Variants in TAFA1 observed in about 807,000 individuals in gnomAD.
TAFA1 encodes chemokine-like protein TAFA-1.
Under a neutral mutation model 18.5 loss-of-function variants are expected in TAFA1, and 4 were observed. The observed-to-expected ratio is 0.22, with a 90% CI of 0.11 to 0.49. The LOEUF (loss-of-function observed/expected upper bound fraction) is 0.49, where lower values mean the gene tolerates loss of function less well. Ranked by LOEUF, TAFA1 falls within the 20% of genes least tolerant of loss-of-function variation. TAFA1 has a pLI of 0.98. For synonymous variants in TAFA1, 56 were observed against 55.2 expected (o/e 1.01, Z -0.06); for missense variants, 147 against 169.0 (o/e 0.87, Z 0.72).
chr3:68,338,869 C>G (rs1016666628), intron 2 of TAFA1, among the ~76,000 whole-genome samples: 1 of 152,180 alleles, frequency 6.6e-6, no homozygotes, highest in Non-Finnish European at 1.5e-5. Context: ...GGAGCTTGAT[C>G]TAAGCAAGGC....
chr3:68,480,920 A>G (rs2072225234), intron 3 of TAFA1, among the ~76,000 whole-genome samples: 1 of 151,954 alleles, frequency 6.6e-6, no homozygotes, highest in Non-Finnish European at 1.5e-5. Context: ...GTCTAAGGAG[A>G]TAGGATGGTT....
intron 2 of TAFA1, among the ~76,000 whole-genome samples, chr3:68,354,930 T>C (rs981054649): frequency 2.0e-5 from 3 of 151,990 alleles, no homozygotes; most frequent in African/African-American, 7.2e-5. Context: ...CTCAATACTG[T>C]TGTATTGGGA....
At chr3:68,333,712 A>G (rs951359349) in intron 2 of TAFA1, among the ~76,000 whole-genome samples, 3 of 152,140 alleles carry the variant, frequency 2.0e-5, no homozygotes, top group Non-Finnish European at 4.4e-5. Context: ...TGAGTGAAAG[A>G]GAGATCTGCA....
intron 2 of TAFA1, among the ~76,000 whole-genome samples, chr3:68,404,618 G>T (rs1043304178): frequency 6.6e-6 from 1 of 152,026 alleles, no homozygotes; most frequent in African/African-American, 2.4e-5. Flanking sequence ...CCAACATAGT[G>T]AAATCCCGTC....
At chr3:68,240,046 A>G (rs980711737) in intron 2 of TAFA1, among the ~76,000 whole-genome samples, 2 of 152,184 alleles carry the variant, frequency 1.3e-5, no homozygotes, top group Admixed American at 6.5e-5. Flanking sequence ...AGGTAAAGTG[A>G]TTACCCAAGT....
At chr3:68,295,990 A>G (rs2068200587) in intron 2 of TAFA1, among the ~76,000 whole-genome samples, 1 of 151,902 alleles carries the variant, frequency 6.6e-6, no homozygotes, top group African/African-American at 2.4e-5. Flanking sequence ...AAACAAAATC[A>G]TGTTATATAA....
At chr3:68,227,600 C>T (rs890817182) in intron 2 of TAFA1, among the ~76,000 whole-genome samples, 1 of 152,050 alleles carries the variant, frequency 6.6e-6, no homozygotes, top group Non-Finnish European at 1.5e-5. Flanking sequence ...TCACAAAAGA[C>T]CACAAAATGC....
intron 2 of TAFA1, among the ~76,000 whole-genome samples, chr3:68,133,350 G>A (rs781656789): frequency 1.1e-4 from 16 of 152,206 alleles, no homozygotes; most frequent in Non-Finnish European, 2.2e-4. Flanking sequence ...GGCTATATGG[G>A]CTCTTTTTTG....
chr3:68,460,568 C>T (rs1346718419), intron 3 of TAFA1, among the ~76,000 whole-genome samples: 3 of 152,212 alleles, frequency 2.0e-5, no homozygotes, highest in African/African-American at 4.8e-5. Flanking sequence ...TCTATGAGCA[C>T]ATCCTCCTCC....
At chr3:68,423,703 G>A (rs1385061071) in intron 3 of TAFA1, among the ~76,000 whole-genome samples, 1 of 150,788 alleles carries the variant, frequency 6.6e-6, no homozygotes, top group African/African-American at 2.4e-5. Context: ...AGTGGGAGTG[G>A]TAAAATTTTC....
chr3:68,029,235 G>A (rs1704881142), intron 2 of TAFA1, among the ~76,000 whole-genome samples: 1 of 152,108 alleles, frequency 6.6e-6, no homozygotes, highest in African/African-American at 2.4e-5. Context: ...ACATCTTTCT[G>A]GAGGCTATCA....
intron 2 of TAFA1, among the ~76,000 whole-genome samples, chr3:68,041,824 G>T (rs1235324701): frequency 6.6e-6 from 1 of 152,122 alleles, no homozygotes; most frequent in Non-Finnish European, 1.5e-5. Flanking sequence ...TGAAGGAAGG[G>T]CATAGAGGAC....
intron 3 of TAFA1, among the ~76,000 whole-genome samples, chr3:68,493,916 T>C (rs2106688382): frequency 6.6e-6 from 1 of 152,336 alleles, no homozygotes; most frequent in African/African-American, 2.4e-5. Context: ...GGTGTGTTGA[T>C]TTGGAGCTTC....
chr3:68,452,405 C>G (rs1008730430), intron 3 of TAFA1, among the ~76,000 whole-genome samples: 2 of 151,600 alleles, frequency 1.3e-5, no homozygotes, highest in African/African-American at 4.9e-5. Flanking sequence ...AACCTATGGT[C>G]CTAGCTACTC....
intron 2 of TAFA1, among the ~76,000 whole-genome samples, chr3:68,258,008 G>A (rs970623972): frequency 1.1e-4 from 17 of 152,102 alleles, no homozygotes; most frequent in South Asian, 8.3e-4. Context: ...TGAAACAGAA[G>A]GAAAGAAAGA....
chr3:68,116,190 G>A (rs888816387), intron 2 of TAFA1, among the ~76,000 whole-genome samples: 2 of 152,176 alleles, frequency 1.3e-5, no homozygotes, highest in Non-Finnish European at 2.9e-5. Context: ...AGGAGACGGA[G>A]CTTGCAGTGA....
chr3:68,526,646 A>G (rs2073114920), intron 3 of TAFA1, among the ~76,000 whole-genome samples: 1 of 152,180 alleles, frequency 6.6e-6, no homozygotes, highest in South Asian at 2.1e-4. Flanking sequence ...AAACTATATT[A>G]TAGAGTCTAA....
chr3:68,102,953 G>T (rs950071029), intron 2 of TAFA1, among the ~76,000 whole-genome samples: 1 of 152,186 alleles, frequency 6.6e-6, no homozygotes, highest in African/African-American at 2.4e-5. Flanking sequence ...GAGACCCTAG[G>T]ATTCTCAGCA....
chr3:68,518,173 C>A (rs2072954995), intron 3 of TAFA1, among the ~76,000 whole-genome samples: 2 of 152,128 alleles, frequency 1.3e-5, no homozygotes, highest in Non-Finnish European at 2.9e-5. Flanking sequence ...ATCTTAATAG[C>A]TGTGTGAGCG....
Sources: gnomAD v4.1 joint callset for allele counts (sites outside exome capture counted in the v4.1 genomes callset) on GRCh38, gnomAD v4.1.1 for gene constraint, MANE v1.5 for transcripts, NCBI Gene and HGNC (gene_info 2026-07-23, HGNC 2026-07-21) for gene names.